The following ZNF200 variants were observed in gnomAD, a reference collection of about 807,000 sequenced individuals.
ZNF200 encodes zinc finger protein 200.
In ZNF200, 35 loss-of-function variants were observed where a neutral mutation model predicts 33.6. The observed-to-expected ratio is 1.04, with a 90% CI of 0.80 to 1.38. ZNF200 has a LOEUF of 1.38. Among genes scored for constraint, ZNF200 ranks in the 40% most tolerant of loss-of-function variants. The pLI is 0.00. For synonymous variants in ZNF200, 209 were observed against 167.7 expected (o/e 1.25, Z -1.90); for missense variants, 592 against 470.6 (o/e 1.26, Z -2.39).
intron 1 of ZNF200, chr16:3,234,629 AC>A (rs1182966098): frequency 6.6e-6 from 1 of 152,368 alleles, no homozygotes; most frequent in Non-Finnish European, 1.5e-5. Context: ...ATCTGGCCAT[AC>A]TGTACCCCTC....
rs1958406363 is a variant in ZNF200 at position 3,224,187 on chromosome 16, T to C, written c.893A>G (p.His298Arg). Residue 298 changes from histidine to arginine, a missense_variant, in exon 5 of 5, where the codon CAT becomes CGT. By Grantham distance (29) the His-to-Arg change is conservative. Transcript: ENST00000414144. ...TTTCTCTCCTGTATGAATTCGCTCA[T>C]GTTTATTGAGGTTTGTTTTATGATT... ...SFNHKTNLNK[H>R]ERIHTGEKPY... 3 of 1,614,062 alleles carry C rather than the reference T, an allele frequency of 1.9e-6. No homozygotes were observed. The highest frequency in any genetic ancestry group is 1.1e-5 in the South Asian group (1 of 91,090).
chr16:3,230,556 C>G (rs916673748), intron 4 of ZNF200, among the ~76,000 whole-genome samples: 3 of 152,188 alleles, frequency 2.0e-5, no homozygotes, highest in African/African-American at 7.2e-5. Flanking sequence ...AAGTGTTCTA[C>G]GTTTTTCCTT....
chr16:3,230,629 GT>G (rs1348411919), intron 4 of ZNF200, among the ~76,000 whole-genome samples: 26 of 152,306 alleles, frequency 1.7e-4, no homozygotes, highest in Admixed American at 5.2e-4. Context: ...ATCAAGGACT[GT>G]TCTTTGATTC....
chr16:3,232,964 T>C, intron 2 of ZNF200, 43 bp from the exon 3 acceptor site: 1 of 1,569,956 alleles, frequency 6.4e-7, no homozygotes, highest in Non-Finnish European at 8.8e-7. Context: ...ACTCAGTGAC[T>C]CTAACACAGA....
Position 3,224,185 on chromosome 16 carries a change from CAT to C in ZNF200, c.893_894del (p.His298ArgfsTer29), listed in dbSNP as rs779102797. ...SFNHKTNLNK[H>X]ERIHTGEKPY... ...GGTTTCTCTCCTGTATGAATTCGCT[CAT>C]GTTTATTGAGGTTTGTTTTATGATT... On this transcript the variant is annotated frameshift_variant, in exon 5 of 5. Transcript: ENST00000414144. LOFTEE classifies it high-confidence loss of function. The C allele has an allele frequency of 1.2e-6, 2 of 1,614,108 alleles. No individual in the cohort carries two copies.
At chr16:3,233,395 C>G (rs1169279796) in intron 2 of ZNF200, 111 bp downstream of exon 2, 3 of 1,403,390 alleles carry the variant, frequency 2.1e-6, no homozygotes, top group South Asian at 1.6e-5. Context: ...AGAATTGACT[C>G]CTTTTCCAAT....
Position 3,223,758 on chromosome 16 carries a change from G to T in ZNF200, c.*134C>A. 7.5e-7 allele frequency: 1 copy of T among 1,331,022 alleles called. No individual in the cohort carries two copies. The highest frequency in any genetic ancestry group is 1.0e-6 in the Non-Finnish European group (1 of 990,230). The allele number at this position is 1,331,022 out of a possible 1,614,324, so 82.5% of individuals were successfully genotyped here. On this transcript the variant is annotated 3_prime_UTR_variant, in exon 5 of 5. Transcript: ENST00000414144. ...GCAATTTGAGGTTTTAGCTAAGATG[G>T]GCATTTATCCAATTTTGGCAATAAT...
rs769154131 is a variant in ZNF200, at chr16:3,224,422, C to T, written c.658G>A (p.Val220Ile). 1.5e-5 allele frequency: 25 copies of T among 1,614,044 alleles called. No homozygotes were observed. The highest frequency in any genetic ancestry group is 2.1e-5 in the Non-Finnish European group (25 of 1,180,032). The change falls in exon 5 of 5, where the codon GTT becomes ATT. Residue 220 changes from valine to isoleucine, a missense_variant. Val to Ile is a conservative substitution (Grantham distance 29). Coordinates refer to ENST00000414144, the MANE Select transcript of ZNF200 (RefSeq NM_198088.3). ...AGAGGAGTATCATTCTCAATGGTAA[C>T]TAACAGATTTCTCATTTTCCTTTTT... ...PQKRKMRNLL[V>I]TIENDTPLEE...
chr16:3,233,903 G>C (rs1958718016), intron 1 of ZNF200, 67 bp from the exon 2 acceptor site: 1 of 1,342,516 alleles, frequency 7.4e-7, no homozygotes, highest in Non-Finnish European at 1.0e-6. Context: ...CCAATATGTG[G>C]CATGGCTGGT....
chr16:3,222,565 C>CT lies in ZNF200; in HGVS notation c.*1326dup, dbSNP rs1958355076. ...AAAATTTTCACAGGAATATAATACT[C>CT]TAATAAATAGAAAGGCATGTTTCTG... On this transcript the variant is annotated 3_prime_UTR_variant, in exon 5 of 5. Transcript: ENST00000414144. 6.6e-6 allele frequency: 1 copy of CT among 152,112 alleles called. No individual in the cohort carries two copies. The highest frequency in any genetic ancestry group is 3.2e-3 in the Middle Eastern group (1 of 316). 9.4% of individuals were successfully genotyped at this position (152,112 alleles called of 1,614,324 possible).
At chr16:3,230,513 TATA>T (rs1485762735) in intron 4 of ZNF200, among the ~76,000 whole-genome samples, 3 of 152,362 alleles carry the variant, frequency 2.0e-5, no homozygotes, top group African/African-American at 4.8e-5. Flanking sequence ...ACACAGTAGC[TATA>T]ATAAGAATTA....
In ZNF200 at chr16:3,224,438, T is replaced by G; in HGVS notation, c.642A>C (p.Lys214Asn). The G allele has an allele frequency of 6.2e-7, 1 of 1,614,206 alleles. No individual in the cohort carries two copies. Residue 214 changes from lysine to asparagine, a missense_variant, in exon 5 of 5, where the codon AAA (lysine) becomes AAC (asparagine). Transcript: ENST00000414144. ...CAATGGTAACTAACAGATTTCTCAT[T>G]TTCCTTTTTTGTGGAATGGATGTAT... ...RLNTSIPQKRKMRNLLVTIEN... is the reference protein window; with the variant it reads ...RLNTSIPQKRNMRNLLVTIEN...
At chr16:3,228,585 C>T (rs563385719) in intron 4 of ZNF200, among the ~76,000 whole-genome samples, 5 of 152,138 alleles carry the variant, frequency 3.3e-5, no homozygotes, top group African/African-American at 1.2e-4. Flanking sequence ...ACCTCTGCCT[C>T]CCGGGTTCAA....
intron 1 of ZNF200, 52 bp from the exon 2 acceptor site, chr16:3,233,888 G>A: frequency 1.4e-6 from 2 of 1,421,884 alleles, no homozygotes; most frequent in Non-Finnish European, 1.9e-6. Context: ...CGGCATTACT[G>A]CACTCCAATA....
At chr16:3,224,879 G>T in intron 4 of ZNF200, 1 of 436,368 alleles carries the variant, frequency 2.3e-6, no homozygotes. Flanking sequence ...CTCTTCATAG[G>T]TGTTAATTAC....
In ZNF200 at chr16:3,222,664, A is replaced by G. The variant is rs148311567; in HGVS notation, c.*1228T>C. On this transcript the variant is annotated 3_prime_UTR_variant, in exon 5 of 5. Transcript: ENST00000414144. ...TTTATTCCAATCAAAACACCAATGT[A>G]TAACTTTTGGAAACCTAAAGCAAGC... 7.9e-4 allele frequency: 120 copies of G among 152,358 alleles called. No individual in the cohort carries two copies. Among genetic ancestry groups the G allele is most frequent in the African/African-American group, 2.7e-3 (113 of 41,582 alleles). 9.4% of individuals were successfully genotyped at this position (152,358 alleles called of 1,614,324 possible).
intron 4 of ZNF200, chr16:3,226,519 T>C (rs1310271523): frequency 6.6e-6 from 1 of 152,242 alleles, no homozygotes; most frequent in East Asian, 1.9e-4. Flanking sequence ...ATTTAATAGG[T>C]ATAAAATAGT....
Position 3,223,922 on chromosome 16 carries a change from G to A in ZNF200, c.1158C>T (p.His386=), listed in dbSNP as rs749215735. The A allele has an allele frequency of 6.2e-7, 1 of 1,613,852 alleles. No homozygotes were observed. The highest frequency in any genetic ancestry group is 1.1e-5 in the South Asian group (1 of 91,054). The change falls in exon 5 of 5, where the codon CAC becomes CAT. Residue 386 remains histidine (H), a synonymous_variant. Transcript: ENST00000414144. ...LSNCTRHEKT[H]SACKTRKQK Reference sequence around the variant, plus strand: ...TCTGCTTTCGGGTCTTACAGGCTGAGTGGGTTTTCTCATGCCGGGTACAGT... The same window carrying A: ...TCTGCTTTCGGGTCTTACAGGCTGAATGGGTTTTCTCATGCCGGGTACAGT...
intron 4 of ZNF200, among the ~76,000 whole-genome samples, 197 bp downstream of exon 4, chr16:3,232,224 C>A (rs1367905265): frequency 6.6e-6 from 1 of 152,114 alleles, no homozygotes; most frequent in Admixed American, 6.5e-5. Context: ...CCCCAAGATA[C>A]AGGGAAAAAT....
Sources: gnomAD v4.1 joint callset for allele counts (sites outside exome capture counted in the v4.1 genomes callset) on GRCh38, gnomAD v4.1.1 for gene constraint, MANE v1.5 for transcripts, NCBI Gene and HGNC (gene_info 2026-07-23, HGNC 2026-07-21) for gene names.